Variants in IL1RAPL1 observed in about 807,000 individuals in gnomAD.
The protein encoded by IL1RAPL1 is interleukin-1 receptor accessory protein-like 1.
In IL1RAPL1, 3 loss-of-function variants were observed where a neutral mutation model predicts 48.4. The ratio of observed to expected loss-of-function variants is 0.06; its 90% CI spans 0.03 to 0.16. IL1RAPL1 has a LOEUF of 0.16. Among genes scored for constraint, IL1RAPL1 ranks in the 10% least tolerant of loss-of-function variants. IL1RAPL1 has a pLI of 1.00. For missense variants in IL1RAPL1, 349 were observed against 530.6 expected, an observed-to-expected ratio of 0.66 and a Z score of 3.36; for synonymous variants, 185 against 187.7, an observed-to-expected ratio of 0.99 and a Z score of 0.12.
chrX:29,305,021 G>A (rs1932596391), intron 3 of IL1RAPL1, among the ~76,000 whole-genome samples: 1 of 112,363 alleles, frequency 8.9e-6, no homozygotes, highest in South Asian at 3.7e-4. Context: ...AGAACCTAGG[G>A]TGAGCAAAAA....
intron 3 of IL1RAPL1, among the ~76,000 whole-genome samples, chrX:29,350,917 G>A (rs779727206): frequency 5.1e-4 from 57 of 111,533 alleles, no homozygotes; most frequent in South Asian, 1.1e-3. Flanking sequence ...AATTGGTTGT[G>A]TATGAGGTTG....
intron 2 of IL1RAPL1, among the ~76,000 whole-genome samples, chrX:29,085,518 A>T (rs1029074190): frequency 8.9e-6 from 1 of 112,125 alleles, no homozygotes; most frequent in Non-Finnish European, 1.9e-5. Flanking sequence ...CAGTTAGGGA[A>T]ACTCAGATAC....
chrX:29,515,316 C>T (rs1189521991), intron 5 of IL1RAPL1, among the ~76,000 whole-genome samples: 1 of 112,015 alleles, frequency 8.9e-6, no homozygotes, highest in Non-Finnish European at 1.9e-5. Flanking sequence ...AATATCAAAC[C>T]TGGATATTGA....
At chrX:29,655,915 A>G (rs1350908893) in intron 5 of IL1RAPL1, among the ~76,000 whole-genome samples, 1 of 111,718 alleles carries the variant, frequency 9.0e-6, no homozygotes, top group Admixed American at 9.5e-5. Flanking sequence ...AATTTTCCCT[A>G]TGCATATGCT....
intron 1 of IL1RAPL1, among the ~76,000 whole-genome samples, chrX:28,778,266 ATAAT>A (rs1420480000): frequency 8.9e-6 from 1 of 112,257 alleles, no homozygotes; most frequent in Non-Finnish European, 1.9e-5. Context: ...ATTGCAATAA[ATAAT>A]AAATTCCTCA....
intron 6 of IL1RAPL1, among the ~76,000 whole-genome samples, chrX:29,710,996 T>C (rs1309003376): frequency 9.9e-6 from 1 of 101,021 alleles, no homozygotes; most frequent in Non-Finnish European, 2.0e-5. Flanking sequence ...GTTTAGAGAA[T>C]CATCACCTTT....
intron 6 of IL1RAPL1, among the ~76,000 whole-genome samples, chrX:29,734,304 G>T (rs1193429606): frequency 8.9e-6 from 1 of 111,982 alleles, no homozygotes; most frequent in Non-Finnish European, 1.9e-5. Context: ...TTAAATAAAG[G>T]GACAAACAAA....
rs1041217698 is a variant in IL1RAPL1, at chrX:28,825,736, C to T, written c.82+36311C>T. The stretch of plus-strand genomic sequence containing the variant: ...TTGAAAATGTACTTTTGAATAATCA[C>T]GTTGGCCTCCTGATAATAAGCAGTG... On this transcript the variant is annotated intron_variant, in intron 2 of 10. Transcript: ENST00000378993. Among the ~76,000 whole-genome samples the T allele has an allele frequency of 2.7e-5, 3 of 111,088 alleles. No homozygotes were observed. The South Asian group carries it at 1.1e-3, about 41-fold the overall frequency.
intron 2 of IL1RAPL1, among the ~76,000 whole-genome samples, chrX:29,175,188 G>A (rs1020287554): frequency 4.7e-4 from 52 of 111,256 alleles, no homozygotes; most frequent in African/African-American, 1.6e-3. Flanking sequence ...TTGTCATAAT[G>A]TGTTTAAAAT....
At chrX:28,734,465 T>A (rs1935795303) in intron 1 of IL1RAPL1, among the ~76,000 whole-genome samples, 1 of 111,021 alleles carries the variant, frequency 9.0e-6, no homozygotes, top group South Asian at 3.8e-4. Context: ...AGGATTTGCA[T>A]TTGCTGTTCC....
chrX:29,030,634 A>G (rs899314094), intron 2 of IL1RAPL1, among the ~76,000 whole-genome samples: 2 of 111,722 alleles, frequency 1.8e-5, no homozygotes, highest in Non-Finnish European at 3.8e-5. Context: ...TTGAATTTCA[A>G]ATCTCCTATC....
intron 2 of IL1RAPL1, among the ~76,000 whole-genome samples, chrX:28,796,138 T>C (rs146711689): frequency 5.4e-5 from 6 of 111,847 alleles, no homozygotes; most frequent in African/African-American, 1.6e-4. Context: ...AGGAAAGGTC[T>C]GCCCCCATAA....
chrX:28,700,912 C>T (rs1935288145), intron 1 of IL1RAPL1, among the ~76,000 whole-genome samples: 1 of 111,736 alleles, frequency 8.9e-6, no homozygotes, highest in Admixed American at 9.5e-5. Flanking sequence ...CATAGTTTTC[C>T]ATGGTGTATA....
chrX:29,585,382 A>G (rs1269142238), intron 5 of IL1RAPL1, among the ~76,000 whole-genome samples: 1 of 112,107 alleles, frequency 8.9e-6, no homozygotes, highest in Non-Finnish European at 1.9e-5. Flanking sequence ...CCTTCTTTTT[A>G]AAAGGTGTAT....
chrX:29,659,977 G>C (rs897859288), intron 5 of IL1RAPL1, among the ~76,000 whole-genome samples: 4 of 111,542 alleles, frequency 3.6e-5, no homozygotes, highest in Non-Finnish European at 7.5e-5. Context: ...GGCTAGGGAG[G>C]CCTCAGGGAA....
intron 1 of IL1RAPL1, among the ~76,000 whole-genome samples, chrX:28,608,245 CTCT>C (rs1171858867): frequency 9.0e-6 from 1 of 111,486 alleles, no homozygotes; most frequent in East Asian, 2.8e-4. Context: ...TGAGTGAATT[CTCT>C]TCTTTGATTT....
chrX:28,966,986 G>T (rs1285060168), intron 2 of IL1RAPL1, among the ~76,000 whole-genome samples: 2 of 111,957 alleles, frequency 1.8e-5, no homozygotes, highest in African/African-American at 6.5e-5. Flanking sequence ...GTCAGGTTTA[G>T]TTTGGTTGCA....
chrX:29,322,176 TTCTC>T (rs1164740436), intron 3 of IL1RAPL1, among the ~76,000 whole-genome samples: 1 of 108,499 alleles, frequency 9.2e-6, no homozygotes, highest in Non-Finnish European at 2.0e-5. Context: ...ACATCTTTCT[TTCTC>T]TTTTCTTTCT....
At chrX:28,762,823 C>CAG (rs146402299) in intron 1 of IL1RAPL1, among the ~76,000 whole-genome samples, 1,483 of 36,677 alleles carry the variant, frequency 0.04, 13 homozygotes, top group South Asian at 0.054. Context: ...CACACACACA[C>CAG]AGAGAGAGAG....
Sources: allele counts gnomAD v4.1 joint callset (sites outside exome capture counted in the v4.1 genomes callset), GRCh38; gene constraint gnomAD v4.1.1; transcripts MANE v1.5; gene names NCBI Gene and HGNC (gene_info 2026-07-23, HGNC 2026-07-21).